The following ABR variants were observed in gnomAD, a reference collection of about 807,000 sequenced individuals.
ABR encodes active breakpoint cluster region-related protein.
Under a neutral mutation model 107.2 loss-of-function variants are expected in ABR, and 35 were observed. The observed-to-expected ratio is 0.33, with a 90% CI of 0.25 to 0.43. The LOEUF is 0.43. Ranked by LOEUF, ABR falls within the 20% of genes least tolerant of loss-of-function variation. The probability of loss-of-function intolerance (pLI) is 1.00; values close to 1 mark genes in which losing one functional copy is unlikely to be tolerated. For synonymous variants in ABR, 498 were observed against 462.0 expected, an observed-to-expected ratio of 1.08 and a Z score of -1.00; for missense variants, 815 against 1,115.2, an observed-to-expected ratio of 0.73 and a Z score of 3.83.
At chr17:1,206,277 G>C (rs1223510052) in intron 1 of ABR, among the ~76,000 whole-genome samples, 1 of 152,204 alleles carries the variant, frequency 6.6e-6, no homozygotes, top group Non-Finnish European at 1.5e-5. Flanking sequence ...CCACGTGACT[G>C]GGTTGTTGCG....
At chr17:1,124,215 G>A (rs2039485805) in intron 2 of ABR, among the ~76,000 whole-genome samples, 1 of 151,754 alleles carries the variant, frequency 6.6e-6, no homozygotes, top group Admixed American at 6.6e-5. Flanking sequence ...GAATGGGAGG[G>A]TTCAGGCGGC....
At chr17:1,135,685 G>C (rs2040027707) in intron 1 of ABR, among the ~76,000 whole-genome samples, 1 of 152,196 alleles carries the variant, frequency 6.6e-6, no homozygotes, top group South Asian at 2.1e-4. Context: ...AGACCAGCCT[G>C]GTCAACATGG....
intron 2 of ABR, chr17:1,109,081 C>T: frequency 1.9e-6 from 3 of 1,592,210 alleles, no homozygotes; most frequent in Non-Finnish European, 2.6e-6. Context: ...CAGCCGGAGC[C>T]CGCGGAGGGC....
At chr17:1,172,438 A>G (rs1012147468) in intron 1 of ABR, among the ~76,000 whole-genome samples, 2 of 152,152 alleles carry the variant, frequency 1.3e-5, no homozygotes, top group Admixed American at 1.3e-4. Context: ...AACTGACCAT[A>G]TCTTGCCCTA....
intron 16 of ABR, among the ~76,000 whole-genome samples, chr17:1,028,167 T>G (rs191902615): frequency 2.0e-5 from 3 of 152,022 alleles, no homozygotes; most frequent in Admixed American, 1.3e-4. Context: ...CTCGGCTCAC[T>G]GCAACCTCCA....
At position 1,010,487 on chromosome 17, in the gene ABR, G is replaced by A; in HGVS notation, c.2236+242C>T. The A allele has an allele frequency of 1.8e-6, 1 of 542,540 alleles. No homozygotes were observed. The highest frequency in any genetic ancestry group is 4.9e-4 in the Middle Eastern group (1 of 2,038). 33.6% of individuals were successfully genotyped at this position (542,540 alleles called of 1,614,324 possible). The stretch of plus-strand genomic sequence containing the variant: ...CAAGAGGCCAACGTCCAAATAGGAA[G>A]CAGAAGGGGCTGCCCATGGGGACAT... On this transcript the variant is annotated intron_variant, in intron 20 of 22. Coordinates refer to ENST00000302538, the MANE Select transcript of ABR (RefSeq NM_021962.5). The surrounding 1 kb of genome is among the most constrained non-coding windows in gnomAD (Gnocchi z 4.1).
At chr17:1,167,341 C>A (rs2041553382) in intron 1 of ABR, among the ~76,000 whole-genome samples, 1 of 146,626 alleles carries the variant, frequency 6.8e-6, no homozygotes, top group Admixed American at 6.7e-5. Flanking sequence ...TTCATAGCCA[C>A]CCCCAACTCC....
At position 1,066,481 on chromosome 17, in the gene ABR, T is replaced by C. The variant is rs80127110; in HGVS notation, c.1182+596A>G. Among the ~76,000 whole-genome samples, 82 of 152,272 alleles carry C rather than the reference T, an allele frequency of 5.4e-4. No individual in the cohort carries two copies. In the East Asian group the frequency reaches 9.3e-3, roughly 17 times the overall value. On this transcript the variant is annotated intron_variant, in intron 10 of 22. Transcript: ENST00000302538. ...GTCCTTTTCCTTGCACAGGTCCTGC[T>C]TTTCCTTACAAAAGCCTGCTTTTTC...
At chr17:1,105,829 G>A (rs1013287068) in intron 2 of ABR, among the ~76,000 whole-genome samples, 2 of 151,912 alleles carry the variant, frequency 1.3e-5, no homozygotes, top group Non-Finnish European at 2.9e-5. Context: ...TTGTGCCATC[G>A]CACTCCAGCC....
rs2072305290 is a variant in ABR, at chr17:1,027,628, G to C, written c.1792-14464C>G. Reference sequence around the variant, plus strand: ...GACCCCACTGCCAACCTGTCAGCCAGCCTGGCCGCAGTCAGGACCCACACA... The same window carrying C: ...GACCCCACTGCCAACCTGTCAGCCACCCTGGCCGCAGTCAGGACCCACACA... On this transcript the variant is annotated intron_variant, in intron 16 of 22. Coordinates refer to ENST00000302538, the MANE Select transcript of ABR (RefSeq NM_021962.5). This position sits in a 1 kb window ranked among gnomAD's most constrained non-coding sequence, Gnocchi z 4.7. Among the ~76,000 whole-genome samples, 1 of 152,092 alleles carries C rather than the reference G, an allele frequency of 6.6e-6. No homozygotes were observed. Among genetic ancestry groups the C allele is most frequent in the Non-Finnish European group, 1.5e-5 (1 of 68,014 alleles).
chr17:1,023,145 A>G (rs1393962620), intron 16 of ABR, among the ~76,000 whole-genome samples: 86 of 140,674 alleles, frequency 6.1e-4, no homozygotes, highest in African/African-American at 2.2e-3. Flanking sequence ...CCCCACGTCC[A>G]CTCCAGCGCC....
chr17:1,102,861 CCA>C (rs2037996604), intron 2 of ABR, among the ~76,000 whole-genome samples: 2 of 152,134 alleles, frequency 1.3e-5, no homozygotes, highest in Non-Finnish European at 2.9e-5. Context: ...CAGGCGTCCA[CCA>C]TCACACCCAC....
Position 1,012,684 on chromosome 17 carries a change from C to A in ABR, c.1961+4G>T. The stretch of plus-strand genomic sequence containing the variant: ...AGGACTGGGAGACCCGAGGCAGCAC[C>A]TACTTCGTCACCACGCTGATCTTCA... On this transcript the variant is annotated splice_donor_region_variant and intron_variant, in intron 18 of 22. Transcript: ENST00000302538. 6.4e-7 allele frequency: 1 copy of A among 1,569,410 alleles called. No individual in the cohort carries two copies. Among genetic ancestry groups the A allele is most frequent in the East Asian group, 2.3e-5 (1 of 43,034 alleles).
intron 2 of ABR, among the ~76,000 whole-genome samples, chr17:1,108,226 G>T (rs1348999620): frequency 6.6e-6 from 1 of 152,270 alleles, no homozygotes; most frequent in East Asian, 1.9e-4. Context: ...GGTGTGCCGG[G>T]CCAGACTCAC....
In ABR at chr17:1,194,471, A is replaced by G. The variant is rs771926742; in HGVS notation, c.838+34322T>C. Among the ~76,000 whole-genome samples the G allele has an allele frequency of 1.6e-4, 24 of 146,162 alleles. 2 individuals are homozygous for G. Among genetic ancestry groups the G allele is most frequent in the Non-Finnish European group, 2.4e-4 (16 of 66,626 alleles). On this transcript the variant is annotated intron_variant, in intron 1 of 22. Coordinates refer to the ABR transcript ENST00000574139. Reference sequence around the variant, plus strand: ...CTCGTCTTCCCAAAGTGCTGGGATTACAGGTGTGAGACACTTCGCCCAGCC... The same window carrying G: ...CTCGTCTTCCCAAAGTGCTGGGATTGCAGGTGTGAGACACTTCGCCCAGCC...
In ABR at chr17:1,073,569, C is replaced by T. The variant is rs147430167; in HGVS notation, c.753+56G>A. The T allele has an allele frequency of 2.7e-3, 3,649 of 1,374,518 alleles. 8 individuals are homozygous for T. Among genetic ancestry groups the T allele is most frequent in the Middle Eastern group, 4.9e-3 (26 of 5,276 alleles). 85.1% of individuals were successfully genotyped at this position (1,374,518 alleles called of 1,614,324 possible). A position where few individuals can be genotyped will look rare whatever the true frequency, so the allele number is the denominator to read the frequency against. On this transcript the variant is annotated intron_variant, in intron 7 of 22. Transcript: ENST00000302538. ...ACTCCAGCACCCTCTCACCCAGGCT[C>T]AGTCTTCCACTGAACTCCTAAGCCC...
chr17:1,220,246 A>G (rs200607129), intron 1 of ABR, among the ~76,000 whole-genome samples: 5 of 151,446 alleles, frequency 3.3e-5, no homozygotes, highest in Non-Finnish European at 7.4e-5. Flanking sequence ...AACCAAGATC[A>G]CACCACTGCA....
At chr17:1,013,911 G>C (rs2070887497) in intron 16 of ABR, among the ~76,000 whole-genome samples, 1 of 152,188 alleles carries the variant, frequency 6.6e-6, no homozygotes, top group Non-Finnish European at 1.5e-5. Flanking sequence ...GTAACTCGGG[G>C]GCCTTCGCGC....
chr17:1,183,953 G>C (rs540861388), upstream of ABR, among the ~76,000 whole-genome samples: 25 of 152,322 alleles, frequency 1.6e-4, no homozygotes, highest in African/African-American at 6.0e-4. Context: ...GCTCATGCCT[G>C]TAATCCCAGC....
Sources: gnomAD v4.1 joint callset for allele counts (sites outside exome capture counted in the v4.1 genomes callset) on GRCh38, gnomAD v4.1.1 for gene constraint, Gnocchi (gnomAD v3.1) non-coding constraint, MANE v1.5 for transcripts, NCBI Gene and HGNC (gene_info 2026-07-23, HGNC 2026-07-21) for gene names.